MYO7A: variants seen among roughly 807,000 people sequenced by gnomAD.
The protein encoded by MYO7A is myosin VIIA, also known as unconventional myosin-VIIa.
Under a neutral mutation model 263.8 loss-of-function variants are expected in MYO7A, and 210 were observed. That is an observed-to-expected ratio of 0.80 (90% CI 0.71 to 0.89). The LOEUF is 0.89. MYO7A is among the 40% of genes least tolerant of loss of function. The probability of loss-of-function intolerance (pLI) is 0.00; values close to 1 mark genes in which losing one functional copy is unlikely to be tolerated. For missense variants in MYO7A, 2,820 were observed against 2,968.3 expected (o/e 0.95, Z 1.16); for synonymous variants, 1,239 against 1,197.3 (o/e 1.03, Z -0.72).
chr11:77,193,001 C>G (rs35410706), intron 31 of MYO7A, among the ~76,000 whole-genome samples: 1,016 of 67,518 alleles, frequency 0.015, 217 homozygotes, highest in African/African-American at 0.14. Context: ...GGTAGTGATG[C>G]TGTTGGTGAT....
rs185061452 is a variant in MYO7A at position 77,211,211 on chromosome 11, G to A, written c.6111G>A (p.Leu2037=). The stretch of plus-strand genomic sequence containing the variant: ...GCACGCGGGAGGAGGTGCTGCAGCT[G>A]GGGGCGCTGATCTACAGGGTCAAGT... The part of the protein sequence containing the change: ...HKCTREEVLQ[L]GALIYRVKFE... The change falls in exon 45 of 49, where the codon CTG becomes CTA. Residue 2037 remains leucine, a synonymous_variant. Coordinates refer to ENST00000409709, the MANE Select transcript of MYO7A (RefSeq NM_000260.4). The A allele has an allele frequency of 5.0e-6, 8 of 1,592,378 alleles. No individual in the cohort carries two copies. The East Asian group carries it at 1.4e-4, about 27-fold the overall frequency.
chr11:77,203,923 G>A (rs1413909188), intron 38 of MYO7A, among the ~76,000 whole-genome samples, 153 bp from the exon 39 acceptor site: 1 of 152,196 alleles, frequency 6.6e-6, no homozygotes, highest in Non-Finnish European at 1.5e-5. Flanking sequence ...GGCGGAGAGA[G>A]GGTGGGGCAG....
chr11:77,149,697 G>A (rs533350276), intron 4 of MYO7A, among the ~76,000 whole-genome samples: 192 of 152,286 alleles, frequency 1.3e-3, no homozygotes, highest in African/African-American at 4.5e-3. Flanking sequence ...CTCCAGAGGA[G>A]AGGCTGTGTA....
In MYO7A at chr11:77,138,515, G is replaced by A. The variant is rs1031567799; in HGVS notation, c.19-4194G>A. On this transcript the variant is annotated intron_variant, in intron 2 of 48. Coordinates refer to ENST00000409709, the MANE Select transcript of MYO7A (RefSeq NM_000260.4). This position sits in a 1 kb window ranked among gnomAD's most constrained non-coding sequence, Gnocchi z 4.9. ...TAGAAGCTGGGCGGGCCACAAACAGGGTCGCTAGGCTTCAGGGTGTGCATG... is the reference window on the plus strand; with the variant it reads ...TAGAAGCTGGGCGGGCCACAAACAGAGTCGCTAGGCTTCAGGGTGTGCATG... Among the ~76,000 whole-genome samples, 5 of 152,220 alleles carry A rather than the reference G, an allele frequency of 3.3e-5. No homozygotes were observed. The highest frequency in any genetic ancestry group is 1.2e-4 in the African/African-American group (5 of 41,452).
rs189372031 is a variant in MYO7A, at chr11:77,186,043, C to T, written c.3503+1328C>T. Among the ~76,000 whole-genome samples, 1,138 of 152,032 alleles carry T rather than the reference C, an allele frequency of 7.5e-3. 14 individuals carry two copies. Among genetic ancestry groups the T allele is most frequent in the African/African-American group, 0.026 (1,094 of 41,444 alleles). ...GTTCAAGCAATTCTCCTGCCTCAGC[C>T]TCCCGAGTGGCTGGGACTACAGGTG... is the stretch of plus-strand genomic sequence containing the variant. On this transcript the variant is annotated intron_variant, in intron 27 of 48. Transcript: ENST00000409709.
chr11:77,146,544 G>A lies in MYO7A; in HGVS notation c.133-1254G>A, dbSNP rs529022620. The stretch of plus-strand genomic sequence containing the variant: ...TTAGAGGGTTGAATGGGCAGGACTG[G>A]GTGACCTGTTGGACTGGGGTGGTGG... On this transcript the variant is annotated intron_variant, in intron 3 of 48. Coordinates refer to ENST00000409709, the MANE Select transcript of MYO7A (RefSeq NM_000260.4). Among the ~76,000 whole-genome samples, 236 of 152,294 alleles carry A rather than the reference G, an allele frequency of 1.5e-3. No homozygotes were observed. The South Asian group carries it at 0.018, about 12-fold the overall frequency.
At chr11:77,160,851 G>C in intron 11 of MYO7A, 122 bp from the exon 12 acceptor site, 1 of 1,121,046 alleles carries the variant, frequency 8.9e-7, no homozygotes, top group South Asian at 1.4e-5. Flanking sequence ...AAAGGGTTGG[G>C]GGTTTCACAC....
intron 38 of MYO7A, among the ~76,000 whole-genome samples, 193 bp from the exon 39 acceptor site, chr11:77,203,883 C>A (rs1334899869): frequency 6.6e-6 from 1 of 152,066 alleles, no homozygotes; most frequent in African/African-American, 2.4e-5. Context: ...GCTGTGAGGG[C>A]TTGGGATGTG....
Position 77,211,313 on chromosome 11 carries a change from G to A in MYO7A, c.6213G>A (p.Gln2071=). 1 of 1,583,496 alleles carries A rather than the reference G, an allele frequency of 6.3e-7. No homozygotes were observed. The highest frequency in any genetic ancestry group is 8.6e-7 in the Non-Finnish European group (1 of 1,165,298). The change falls in exon 45 of 49, where the codon CAG becomes CAA. Residue 2071 remains glutamine (Q), a synonymous_variant. Coordinates refer to ENST00000409709, the MANE Select transcript of MYO7A (RefSeq NM_000260.4). ...TGGTGCCCCAGGACCTTATCCGGCA[G>A]GTCTCACCTGATGACTGGAAGCGGG... ...RELVPQDLIR[Q]VSPDDWKRSI... is the part of the protein sequence containing the mutation.
intron 4 of MYO7A, among the ~76,000 whole-genome samples, chr11:77,148,313 G>C (rs1951730254): frequency 6.6e-6 from 1 of 152,236 alleles, no homozygotes; most frequent in Non-Finnish European, 1.5e-5. Flanking sequence ...CTGGGCGTTT[G>C]CTAAGGGACT....
chr11:77,178,584 C>A (rs1490479957), intron 19 of MYO7A, among the ~76,000 whole-genome samples: 1 of 152,188 alleles, frequency 6.6e-6, no homozygotes, highest in African/African-American at 2.4e-5. Flanking sequence ...TGTCCTCTAT[C>A]AGGCTGAAGA....
intron 36 of MYO7A, 115 bp downstream of exon 36, chr11:77,201,753 G>A (rs559288912): frequency 2.6e-6 from 3 of 1,175,860 alleles, no homozygotes; most frequent in Admixed American, 2.2e-5. Context: ...GATGATCTTG[G>A]GATCTTATGG....
intron 33 of MYO7A, 112 bp downstream of exon 33, chr11:77,197,710 G>T (rs1956770349): frequency 1.6e-6 from 1 of 623,792 alleles, no homozygotes; most frequent in African/African-American, 1.9e-5. Flanking sequence ...TTGCTCTGTA[G>T]CTCCAGCCCA....
Position 77,142,741 on chromosome 11 carries a change from G to A in MYO7A, c.51G>A (p.Gly17=). ...GDHVWMDLRL[G]QEFDVPIGAV... ...ATGTGTGGATGGACCTGAGATTGGG[G>A]CAGGAGTTCGACGTGCCCATCGGGG... The change falls in exon 3 of 49, where the codon GGG becomes GGA. Residue 17 remains glycine (G), a synonymous_variant. Transcript: ENST00000409709. 1.9e-6 allele frequency: 3 copies of A among 1,611,710 alleles called. No individual in the cohort carries two copies. The South Asian group carries it at 3.3e-5, about 18-fold the overall frequency.
chr11:77,178,490 A>C (rs1185082839), intron 19 of MYO7A, among the ~76,000 whole-genome samples: 1 of 149,800 alleles, frequency 6.7e-6, no homozygotes, highest in Non-Finnish European at 1.5e-5. Flanking sequence ...TTATTGGCTC[A>C]CTTGCATACT....
At chr11:77,186,503 A>G (rs914711780) in intron 27 of MYO7A, among the ~76,000 whole-genome samples, 14 of 152,204 alleles carry the variant, frequency 9.2e-5, no homozygotes, top group African/African-American at 3.4e-4. Flanking sequence ...CTTCTCCACC[A>G]GCACTTGTTG....
intron 14 of MYO7A, among the ~76,000 whole-genome samples, chr11:77,165,390 G>T (rs1259669143): frequency 6.6e-6 from 1 of 152,160 alleles, no homozygotes; most frequent in Non-Finnish European, 1.5e-5. Flanking sequence ...CCTCCTCTGG[G>T]GTCTGTGTGG....
rs782657401 is a variant in MYO7A at position 77,162,220 on chromosome 11, A to G, written c.1444A>G (p.Ile482Val). 3 of 1,583,390 alleles carry G rather than the reference A, an allele frequency of 1.9e-6. No individual in the cohort carries two copies. Among genetic ancestry groups the G allele is most frequent in the Admixed American group, 1.8e-5 (1 of 55,402 alleles). The change falls in exon 13 of 49, where the codon ATT becomes GTT. Residue 482 changes from isoleucine to valine, a missense_variant. Physicochemically the swap from Ile to Val is conservative, Grantham distance 29 (BLOSUM62 3). Transcript: ENST00000409709. ...LEQEEYDLES[I>V]DWLHIEFTDN... is the part of the protein sequence containing the mutation. ...GCAGGAGGAATATGACCTGGAGAGC[A>G]TTGACTGGCTGCACATCGAGTTCAC...
chr11:77,178,886 G>A (rs782200989), intron 19 of MYO7A, among the ~76,000 whole-genome samples, 159 bp from the exon 20 acceptor site: 33 of 152,144 alleles, frequency 2.2e-4, no homozygotes, highest in Admixed American at 1.4e-3. Flanking sequence ...CACATTGTAC[G>A]GATGAGGAAG....
Sources: allele counts gnomAD v4.1 joint callset (sites outside exome capture counted in the v4.1 genomes callset), GRCh38; gene constraint gnomAD v4.1.1; non-coding constraint Gnocchi (gnomAD v3.1); transcripts MANE v1.5; gene names NCBI Gene and HGNC (gene_info 2026-07-23, HGNC 2026-07-21).